FBXO3: variants seen among roughly 807,000 people sequenced by gnomAD.
FBXO3 encodes F-box protein 3, also known as F-box only protein 3.
Under a neutral mutation model 64.8 loss-of-function variants are expected in FBXO3, and 17 were observed. That is an observed-to-expected ratio of 0.26 (90% CI 0.18 to 0.39). The LOEUF (loss-of-function observed/expected upper bound fraction) is 0.39. Ranked by LOEUF, FBXO3 falls within the 10% of genes least tolerant of loss-of-function variation. The pLI is 1.00. For missense variants in FBXO3, 420 were observed against 589.9 expected (o/e 0.71, Z 2.98); for synonymous variants, 182 against 201.6 (o/e 0.90, Z 0.82).
chr11:33,768,769 A>C, intron 3 of FBXO3, 82 bp downstream of exon 3: 1 of 1,506,332 alleles, frequency 6.6e-7, no homozygotes, highest in Non-Finnish European at 9.2e-7. Context: ...TGCGTAGATG[A>C]CAGAGATTCA....
Position 33,770,770 on chromosome 11 carries a change from T to C in FBXO3, c.165A>G (p.Arg55=), listed in dbSNP as rs1855492884. Reference sequence around the variant, plus strand: ...ATATCAGCCAGTATTTTTTGCAATGTCTTCTCCACAGCGGATCATGACTTG... The same window carrying C: ...ATATCAGCCAGTATTTTTTGCAATGCCTTCTCCACAGCGGATCATGACTTG... The part of the protein sequence containing the change: ...QLSSHDPLWR[R]HCKKYWLISE... The change falls in exon 2 of 11, where the codon AGA becomes AGG. Residue 55 remains arginine, a synonymous_variant. Transcript: ENST00000265651. 1.9e-6 allele frequency: 3 copies of C among 1,611,732 alleles called. No homozygotes were observed. The South Asian group carries it at 3.3e-5, about 18-fold the overall frequency.
intron 6 of FBXO3, chr11:33,753,924 G>A (rs1162878603): frequency 6.6e-6 from 1 of 152,164 alleles, no homozygotes; most frequent in Admixed American, 6.5e-5. Flanking sequence ...ACAAATTGAA[G>A]GGTTCTCAAA....
At chr11:33,756,035 T>A in intron 4 of FBXO3, 60 bp from the exon 5 acceptor site, 2 of 1,371,756 alleles carry the variant, frequency 1.5e-6, no homozygotes, top group Non-Finnish European at 2.1e-6. Context: ...CTGTGCTTCA[T>A]CTTTCTGATG....
In FBXO3 at chr11:33,774,322, A is replaced by AC; in HGVS notation, c.104+71dup. 1.5e-5 allele frequency: 18 copies of AC among 1,237,070 alleles called. No homozygotes were observed. In the Admixed American group the frequency reaches 1.9e-4, roughly 13 times the overall value. The allele number at this position is 1,237,070 out of a possible 1,614,324, so 76.6% of individuals were successfully genotyped here. A position where few individuals can be genotyped will look rare whatever the true frequency, so the allele number is the denominator to read the frequency against. ...AGCTCGGGTCCTGTCAGCGGCCCCG[A>AC]CCCCCTTTCCCCCTGCCTCACCGCC... On this transcript the variant is annotated intron_variant, in intron 1 of 10. Coordinates refer to ENST00000265651, the MANE Select transcript of FBXO3 (RefSeq NM_012175.4).
At chr11:33,761,747 T>C (rs1855249634) in intron 3 of FBXO3, among the ~76,000 whole-genome samples, 1 of 152,178 alleles carries the variant, frequency 6.6e-6, no homozygotes, top group Non-Finnish European at 1.5e-5. Flanking sequence ...TTATGCATCG[T>C]ATGCTTAGGA....
rs1855163321 is a variant in FBXO3, at chr11:33,758,532, C to T, written c.428G>A (p.Arg143Gln). Residue 143 changes from arginine (R) to glutamine (Q), a missense_variant, in exon 4 of 11, where the codon CGA (arginine) becomes CAA (glutamine). Arg to Gln is a conservative substitution (Grantham distance 43, BLOSUM62 1). Coordinates refer to ENST00000265651, the MANE Select transcript of FBXO3 (RefSeq NM_012175.4). ...QIGCKLPDDYRCSYRIHNGQK... is the reference protein window; with the variant it reads ...QIGCKLPDDYQCSYRIHNGQK... ...TCCATTGTGAATTCGGTATGAACAT[C>T]GATAATCGTCAGGAAGCTTGCAGCC... 6.2e-7 allele frequency: 1 copy of T among 1,609,400 alleles called. No homozygotes were observed. Among genetic ancestry groups the T allele is most frequent in the East Asian group, 2.2e-5 (1 of 44,786 alleles).
intron 3 of FBXO3, among the ~76,000 whole-genome samples, chr11:33,759,802 C>T (rs371892142): frequency 1.3e-5 from 2 of 152,148 alleles, no homozygotes; most frequent in Non-Finnish European, 2.9e-5. Context: ...ACAACTGATA[C>T]ATTCAATGAA....
intron 4 of FBXO3, among the ~76,000 whole-genome samples, chr11:33,757,830 C>G (rs1463525006): frequency 1.3e-5 from 2 of 151,460 alleles, no homozygotes; most frequent in Non-Finnish European, 2.9e-5. Context: ...TGGTGGTGCG[C>G]CTGTACTTCT....
chr11:33,751,219 C>T (rs1854948399), intron 7 of FBXO3, among the ~76,000 whole-genome samples: 2 of 152,058 alleles, frequency 1.3e-5, no homozygotes, highest in African/African-American at 4.8e-5. Flanking sequence ...TATCAGTTGC[C>T]AAATAACTTT....
In FBXO3 at chr11:33,742,016, A is replaced by T. The variant is rs1564983959; in HGVS notation, c.1308T>A (p.Asp436Glu). ...ATTCATCCATATCTGCTGAATCATC[A>T]TCCTCGTCTTCCTCCTCTTCCTCCT... ...EEEEEEEEDE[D>E]DDSADMDESD... is the part of the protein sequence containing the mutation. The change falls in exon 11 of 11, where the codon GAT becomes GAA. Residue 436 changes from aspartate to glutamate, a missense_variant. By Grantham distance (45) the Asp-to-Glu change is conservative. Coordinates refer to ENST00000265651, the MANE Select transcript of FBXO3 (RefSeq NM_012175.4). 2 of 1,608,814 alleles carry T rather than the reference A, an allele frequency of 1.2e-6. No individual in the cohort carries two copies. Among genetic ancestry groups the T allele is most frequent in the Non-Finnish European group, 8.5e-7 (1 of 1,175,458 alleles).
intron 4 of FBXO3, among the ~76,000 whole-genome samples, chr11:33,757,474 A>T (rs1379523682): frequency 1.4e-5 from 2 of 144,858 alleles, no homozygotes; most frequent in East Asian, 4.0e-4. Flanking sequence ...AATAATAAAA[A>T]AATAAAAATT....
At chr11:33,745,150 C>G (rs574884572) in intron 10 of FBXO3, 1 of 152,174 alleles carries the variant, frequency 6.6e-6, no homozygotes, top group African/African-American at 2.4e-5. Flanking sequence ...ATTAAAAATA[C>G]ATAATAATCC....
chr11:33,766,988 C>CA lies in FBXO3; in HGVS notation c.358+1862dup, dbSNP rs67370716. ...CCTGGAACTACCAAAATTCATGCAC[C>CA]AAAAAAAAAAAAAGAAAAAAAAAAG... On this transcript the variant is annotated intron_variant, in intron 3 of 10. Transcript: ENST00000265651. 6.5e-3 allele frequency among the ~76,000 whole-genome samples: 357 copies of CA among 55,110 alleles called. 2 individuals are homozygous for CA. Among genetic ancestry groups the CA allele is most frequent in the Middle Eastern group, 0.02 (2 of 100 alleles). 36.2% of individuals were successfully genotyped at this position (55,110 alleles called of 152,430 possible). A position where few individuals can be genotyped will look rare whatever the true frequency, so the allele number is the denominator to read the frequency against.
At chr11:33,762,198 T>G (rs1221210996) in intron 3 of FBXO3, among the ~76,000 whole-genome samples, 1 of 152,154 alleles carries the variant, frequency 6.6e-6, no homozygotes, top group African/African-American at 2.4e-5. Flanking sequence ...ACCACAGCAA[T>G]AGATTTTATC....
At chr11:33,757,398 G>A (rs1026431437) in intron 4 of FBXO3, among the ~76,000 whole-genome samples, 1 of 149,706 alleles carries the variant, frequency 6.7e-6, no homozygotes, top group Non-Finnish European at 1.5e-5. Context: ...AGGATCCCTT[G>A]AGCCTAGGAG....
Position 33,758,473 on chromosome 11 carries a change from A to T in FBXO3, c.473+14T>A, listed in dbSNP as rs1257759708. 3 of 1,549,796 alleles carry T rather than the reference A, an allele frequency of 1.9e-6. No homozygotes were observed. The African/African-American group carries it at 4.1e-5, about 21-fold the overall frequency. ...TTGCATCATTAAAAATAACCAAAAC[A>T]TTGAATATCTTACCCAGGAACCACT... On this transcript the variant is annotated intron_variant, in intron 4 of 10. Transcript: ENST00000265651.
chr11:33,766,536 GC>G, intron 3 of FBXO3, among the ~76,000 whole-genome samples: 1 of 152,256 alleles, frequency 6.6e-6, no homozygotes, highest in Middle Eastern at 3.4e-3. Flanking sequence ...GAAAAAGTTT[GC>G]CAACCCCTCG....
Position 33,748,843 on chromosome 11 carries a change from T to C in FBXO3, c.982A>G (p.Ser328Gly). Reference sequence around the variant, plus strand: ...GCATTTGTTATTCTCCAATAGCGACTGTCCAACTGACAGGCCTTCTCAGGA... The same window carrying C: ...GCATTTGTTATTCTCCAATAGCGACCGTCCAACTGACAGGCCTTCTCAGGA... ...ALPEKACQLD[S>G]RYWRITNAKG... The change falls in exon 9 of 11, where the codon AGT (serine) becomes GGT (glycine). Residue 328 changes from serine to glycine, a missense_variant. This residue lies in a region of FBXO3 where 337 missense variants were observed against 518.4 expected (regional missense o/e 0.65). Coordinates refer to ENST00000265651, the MANE Select transcript of FBXO3 (RefSeq NM_012175.4). 1.2e-6 allele frequency: 2 copies of C among 1,613,982 alleles called. No homozygotes were observed. Among genetic ancestry groups the C allele is most frequent in the Non-Finnish European group, 1.7e-6 (2 of 1,179,890 alleles).
At position 33,746,752 on chromosome 11, in the gene FBXO3, T is replaced by C. The variant is rs891077450; in HGVS notation, c.1239+378A>G. 2.8e-6 allele frequency: 4 copies of C among 1,426,114 alleles called. No homozygotes were observed. In the African/African-American group the frequency reaches 5.8e-5, roughly 21 times the overall value. The allele number at this position is 1,426,114 out of a possible 1,614,324, so 88.3% of individuals were successfully genotyped here. A position where few individuals can be genotyped will look rare whatever the true frequency, so the allele number is the denominator to read the frequency against. On this transcript the variant is annotated intron_variant, in intron 10 of 10. Transcript: ENST00000265651. ...ACATCCACACATTAAATTTTCTTTA[T>C]AATGATCTTTATGGAATATTTGTTT...
Sources: allele counts gnomAD v4.1 joint callset (sites outside exome capture counted in the v4.1 genomes callset), GRCh38; gene constraint gnomAD v4.1.1; regional missense constraint gnomAD v4.1.1; transcripts MANE v1.5; gene names NCBI Gene and HGNC (gene_info 2026-07-23, HGNC 2026-07-21).